Variants in FYB1 observed in about 807,000 individuals in gnomAD.
FYB1 encodes FYN binding protein 1, also known as FYN-binding protein 1.
Under a neutral mutation model 94.1 loss-of-function variants are expected in FYB1, and 41 were observed. The ratio of observed to expected loss-of-function variants is 0.44; its 90% CI spans 0.34 to 0.57. The LOEUF (loss-of-function observed/expected upper bound fraction) is 0.57, where lower values mean the gene tolerates loss of function less well. Ranked by LOEUF, FYB1 falls within the 20% of genes least tolerant of loss-of-function variation. FYB1 has a pLI of 0.02. For missense variants in FYB1, 1,050 were observed against 976.8 expected (o/e 1.07, Z -1.00); for synonymous variants, 367 against 353.2 (o/e 1.04, Z -0.44).
chr5:39,262,754 T>C (rs1247569302), intron 1 of FYB1, among the ~76,000 whole-genome samples: 1 of 152,114 alleles, frequency 6.6e-6, no homozygotes, highest in African/African-American at 2.4e-5. Flanking sequence ...TCCAAAGGGA[T>C]ATTCTTGAAA....
intron 2 of FYB1, among the ~76,000 whole-genome samples, chr5:39,174,135 T>C (rs1425228666): frequency 1.3e-5 from 2 of 152,188 alleles, no homozygotes; most frequent in Non-Finnish European, 2.9e-5. Context: ...CAGCAGTGTT[T>C]TGTGGTTCTC....
chr5:39,205,092 A>T (rs980427326), intron 1 of FYB1, among the ~76,000 whole-genome samples: 2 of 152,152 alleles, frequency 1.3e-5, no homozygotes, highest in African/African-American at 4.8e-5. Context: ...AAACGTCACT[A>T]CAAGGGGCAT....
At chr5:39,147,829 C>G (rs892656699) in intron 3 of FYB1, among the ~76,000 whole-genome samples, 14 of 151,246 alleles carry the variant, frequency 9.3e-5, no homozygotes, top group Non-Finnish European at 2.9e-5. Flanking sequence ...TGCAGGCGCC[C>G]GCCACCACGC....
At chr5:39,223,397 C>T (rs186706823), upstream of FYB1, among the ~76,000 whole-genome samples, 2 of 152,096 alleles carry the variant, frequency 1.3e-5, no homozygotes, top group Admixed American at 1.3e-4. Context: ...CATTATGTTT[C>T]TAAAGGAAAC....
chr5:39,130,672 G>A (rs1741112643), intron 9 of FYB1, 60 bp from the exon 10 acceptor site: 1 of 1,242,328 alleles, frequency 8.0e-7, no homozygotes, highest in South Asian at 1.3e-5. Context: ...ATGAGGAAGA[G>A]AAGTACATAT....
chr5:39,159,943 T>G (rs1744098765), intron 2 of FYB1, among the ~76,000 whole-genome samples: 2 of 152,180 alleles, frequency 1.3e-5, no homozygotes, highest in African/African-American at 4.8e-5. Context: ...AACAGTATCC[T>G]TTTTTAACCT....
At chr5:39,249,507 C>T (rs1173386672) in intron 1 of FYB1, among the ~76,000 whole-genome samples, 2 of 152,130 alleles carry the variant, frequency 1.3e-5, no homozygotes, top group Non-Finnish European at 2.9e-5. Flanking sequence ...CCTTTAGGAG[C>T]TATATGGAGG....
intron 2 of FYB1, among the ~76,000 whole-genome samples, chr5:39,185,643 C>T (rs866499446): frequency 1.1e-3 from 153 of 139,700 alleles, no homozygotes; most frequent in African/African-American, 4.1e-3. Context: ...TATATATATA[C>T]ACACACACAC....
At chr5:39,266,578 T>C (rs1752445855) in intron 1 of FYB1, among the ~76,000 whole-genome samples, 1 of 152,118 alleles carries the variant, frequency 6.6e-6, no homozygotes, top group Non-Finnish European at 1.5e-5. Context: ...TTGGTCCCCT[T>C]TTGGCTTGCT....
At chr5:39,139,744 A>G (rs1452706865) in intron 4 of FYB1, 1 of 152,290 alleles carries the variant, frequency 6.6e-6, no homozygotes, top group Non-Finnish European at 1.5e-5. Context: ...GAGCAATAAT[A>G]TAATAATATT....
intron 2 of FYB1, among the ~76,000 whole-genome samples, chr5:39,183,948 C>T (rs892823917): frequency 6.6e-6 from 1 of 152,108 alleles, no homozygotes; most frequent in African/African-American, 2.4e-5. Flanking sequence ...TTGGGAGAAA[C>T]ACTGCCTTGA....
intron 1 of FYB1, among the ~76,000 whole-genome samples, chr5:39,236,950 T>C (rs1363159059): frequency 6.6e-6 from 1 of 152,170 alleles, no homozygotes; most frequent in Non-Finnish European, 1.5e-5. Context: ...TAGTTATGAC[T>C]ATTCACTACT....
intron 1 of FYB1, among the ~76,000 whole-genome samples, chr5:39,259,375 C>T (rs149545633): frequency 1.2e-3 from 176 of 152,274 alleles, no homozygotes; most frequent in Non-Finnish European, 2.1e-3. Context: ...AACGAGTATG[C>T]GAAATGTCCA....
chr5:39,214,002 A>G (rs1330189724), intron 1 of FYB1, among the ~76,000 whole-genome samples: 4 of 152,174 alleles, frequency 2.6e-5, no homozygotes, highest in African/African-American at 9.7e-5. Context: ...TGAATGAAAA[A>G]GTGAAAAAAG....
chr5:39,156,274 G>C (rs1238449076), intron 2 of FYB1, among the ~76,000 whole-genome samples: 4 of 152,082 alleles, frequency 2.6e-5, no homozygotes, highest in African/African-American at 9.7e-5. Flanking sequence ...CTGCTTACTC[G>C]ACATCTATTC....
intron 9 of FYB1, among the ~76,000 whole-genome samples, chr5:39,133,653 T>C (rs1462306263): frequency 5.3e-5 from 8 of 152,112 alleles, no homozygotes; most frequent in Admixed American, 5.2e-4. Flanking sequence ...GGTGTTCCCA[T>C]AATTCTTGAA....
intron 10 of FYB1, among the ~76,000 whole-genome samples, chr5:39,130,145 G>C (rs1741061947): frequency 2.0e-5 from 3 of 152,014 alleles, no homozygotes. Flanking sequence ...AGTGGAATAA[G>C]CCAGATATAG....
At chr5:39,246,908 T>A (rs866257) in intron 1 of FYB1, among the ~76,000 whole-genome samples, 25,267 of 151,598 alleles carry the variant, frequency 0.17, 5,643 homozygotes, top group African/African-American at 0.49. Context: ...GGGTTTGGAC[T>A]TCAACTCTGC....
intron 1 of FYB1, among the ~76,000 whole-genome samples, chr5:39,208,708 G>A (rs773309460): frequency 6.6e-6 from 1 of 152,146 alleles, no homozygotes; most frequent in Non-Finnish European, 1.5e-5. Flanking sequence ...CAGCCAGGGC[G>A]GGTGAAGACG....
Sources: gnomAD v4.1 joint callset for allele counts (sites outside exome capture counted in the v4.1 genomes callset) on GRCh38, gnomAD v4.1.1 for gene constraint, MANE v1.5 for transcripts, NCBI Gene and HGNC (gene_info 2026-07-23, HGNC 2026-07-21) for gene names.